Variants in MALRD1 observed in about 807,000 individuals in gnomAD.
The protein encoded by MALRD1 is MAM and LDL receptor class A domain containing 1.
A neutral mutation model predicts 242.1 loss-of-function variants in MALRD1; 247 were observed. That is an observed-to-expected ratio of 1.02 (90% CI 0.92 to 1.13). The LOEUF (loss-of-function observed/expected upper bound fraction) is 1.13. Among genes scored for constraint, MALRD1 ranks in the 50% most tolerant of loss-of-function variants. The probability of loss-of-function intolerance (pLI) is 0.00; values close to 1 mark genes in which losing one functional copy is unlikely to be tolerated. For missense variants in MALRD1, 2,989 were observed against 2,533.1 expected, an observed-to-expected ratio of 1.18 and a Z score of -3.86; for synonymous variants, 995 against 866.6, an observed-to-expected ratio of 1.15 and a Z score of -2.60.
intron 29 of MALRD1, among the ~76,000 whole-genome samples, chr10:19,471,164 C>T (rs554614254): frequency 6.6e-6 from 1 of 151,786 alleles, no homozygotes; most frequent in East Asian, 1.9e-4. Flanking sequence ...TTCAGTTTTC[C>T]CAGTACCATT....
chr10:19,162,249 AT>A (rs1195000107), intron 12 of MALRD1, among the ~76,000 whole-genome samples: 4 of 151,880 alleles, frequency 2.6e-5, no homozygotes, highest in Non-Finnish European at 4.4e-5. Flanking sequence ...TGCCTTATAC[AT>A]TTTTTTGACG....
At chr10:19,465,427 A>C (rs1448960681) in intron 29 of MALRD1, among the ~76,000 whole-genome samples, 1 of 152,218 alleles carries the variant, frequency 6.6e-6, no homozygotes, top group Non-Finnish European at 1.5e-5. Context: ...TTGTCAGTTA[A>C]GAATTTGTAT....
intron 1 of MALRD1, among the ~76,000 whole-genome samples, chr10:19,058,906 G>T (rs769346905): frequency 6.6e-6 from 1 of 152,122 alleles, no homozygotes; most frequent in Non-Finnish European, 1.5e-5. Flanking sequence ...TCAGGCAAGA[G>T]AATTATAAAC....
intron 14 of MALRD1, among the ~76,000 whole-genome samples, chr10:19,177,709 C>T (rs1052491128): frequency 6.6e-6 from 1 of 151,844 alleles, no homozygotes; most frequent in African/African-American, 2.4e-5. Flanking sequence ...TATTTTTCTG[C>T]TTAGTTTTGG....
chr10:19,127,852 G>A (rs540967798), intron 7 of MALRD1, among the ~76,000 whole-genome samples: 5 of 151,810 alleles, frequency 3.3e-5, no homozygotes, highest in Non-Finnish European at 7.4e-5. Flanking sequence ...AATTCTGGAA[G>A]GATGAAGAGA....
Position 19,692,626 on chromosome 10 carries a change from A to G in MALRD1, c.6314+72A>G, listed in dbSNP as rs573928755. 1.5e-5 allele frequency: 18 copies of G among 1,234,776 alleles called. No individual in the cohort carries two copies. In the South Asian group the frequency reaches 1.9e-4, roughly 13 times the overall value. 76.5% of individuals were successfully genotyped at this position (1,234,776 alleles called of 1,614,324 possible). A position where few individuals can be genotyped will look rare whatever the true frequency, so the allele number is the denominator to read the frequency against. ...AATTTTCTTCAACATTTCCTTTGCTATTTTTTTCTTTCACTCCATATTACA... is the reference window on the plus strand; with the variant it reads ...AATTTTCTTCAACATTTCCTTTGCTGTTTTTTTCTTTCACTCCATATTACA... On this transcript the variant is annotated intron_variant, in intron 38 of 39. Coordinates refer to ENST00000454679, the MANE Select transcript of MALRD1 (RefSeq NM_001142308.3).
At chr10:19,531,554 C>T (rs1009165503) in intron 32 of MALRD1, among the ~76,000 whole-genome samples, 4 of 152,242 alleles carry the variant, frequency 2.6e-5, no homozygotes, top group Admixed American at 1.3e-4. Flanking sequence ...ATCTCACTGA[C>T]GGCTGCCACC....
At chr10:19,451,555 T>C (rs1835328405) in intron 29 of MALRD1, among the ~76,000 whole-genome samples, 1 of 152,342 alleles carries the variant, frequency 6.6e-6, no homozygotes, top group South Asian at 2.1e-4. Context: ...CAGTGAAAGA[T>C]ATGCCTTCTG....
intron 38 of MALRD1, among the ~76,000 whole-genome samples, chr10:19,692,867 T>TTATATATATATATA (rs1254775928): frequency 0.013 from 391 of 29,606 alleles, 4 homozygotes; most frequent in African/African-American, 0.039. Flanking sequence ...ATAGATGAAA[T>TTATATATATATATA]TATATATATA....
chr10:19,491,139 A>G, intron 29 of MALRD1: 1 of 410,490 alleles, frequency 2.4e-6, no homozygotes, highest in South Asian at 2.1e-5. Flanking sequence ...CATTACGAGC[A>G]GCACAAATGG....
chr10:19,099,133 C>G (rs915542422), intron 4 of MALRD1, among the ~76,000 whole-genome samples: 1 of 152,118 alleles, frequency 6.6e-6, no homozygotes, highest in Non-Finnish European at 1.5e-5. Flanking sequence ...TGCCTGGCCC[C>G]CAGGTAGCCT....
intron 13 of MALRD1, among the ~76,000 whole-genome samples, chr10:19,171,981 CATATAATAT>C (rs1835007016): frequency 3.9e-5 from 1 of 25,906 alleles, no homozygotes; most frequent in Non-Finnish European, 8.1e-5. Context: ...TGATATATAT[CATATAATAT>C]ATGTATATAT....
rs550764927 is a variant in MALRD1, at chr10:19,346,000, G to T, written c.3902-1771G>T. Among the ~76,000 whole-genome samples the T allele has an allele frequency of 3.9e-5, 6 of 152,012 alleles. 1 individual carries two copies. The South Asian group carries it at 1.0e-3, about 26-fold the overall frequency. ...AAGTCTCACTTTGTTGGCCAGGATG[G>T]TCTTGAACTCCTAGCATCATGTGAT... On this transcript the variant is annotated intron_variant, in intron 24 of 39. Coordinates refer to ENST00000454679, the MANE Select transcript of MALRD1 (RefSeq NM_001142308.3).
At chr10:19,512,250 T>C (rs1201834783) in intron 31 of MALRD1, among the ~76,000 whole-genome samples, 1 of 152,166 alleles carries the variant, frequency 6.6e-6, no homozygotes, top group Non-Finnish European at 1.5e-5. Flanking sequence ...CATAATACAT[T>C]AAAGCTTGGC....
At chr10:19,163,528 A>G (rs1203250160) in intron 12 of MALRD1, among the ~76,000 whole-genome samples, 1 of 151,990 alleles carries the variant, frequency 6.6e-6, no homozygotes, top group Non-Finnish European at 1.5e-5. Flanking sequence ...GAGGGAGAGG[A>G]GCAGAAAAGA....
At chr10:19,408,309 C>G (rs567912094) in intron 28 of MALRD1, among the ~76,000 whole-genome samples, 2 of 152,238 alleles carry the variant, frequency 1.3e-5, no homozygotes, top group African/African-American at 4.8e-5. Flanking sequence ...GTTTCTCAAT[C>G]TTCAGTTCTA....
intron 19 of MALRD1, among the ~76,000 whole-genome samples, chr10:19,271,768 A>C (rs1459377837): frequency 1.3e-5 from 2 of 152,218 alleles, no homozygotes; most frequent in East Asian, 3.8e-4. Context: ...GTCTCAAAAA[A>C]ATATAAAAGT....
chr10:19,171,866 A>T (rs1834987093), intron 13 of MALRD1, among the ~76,000 whole-genome samples: 1 of 143,854 alleles, frequency 7.0e-6, no homozygotes. Flanking sequence ...ATATATACAT[A>T]TATACACGTA....
At chr10:19,427,585 G>T (rs1335160359) in intron 28 of MALRD1, among the ~76,000 whole-genome samples, 1 of 151,886 alleles carries the variant, frequency 6.6e-6, no homozygotes, top group Non-Finnish European at 1.5e-5. Context: ...AACAAATCTG[G>T]GTTCAATCTC....
Sources: gnomAD v4.1 joint callset for allele counts (sites outside exome capture counted in the v4.1 genomes callset) on GRCh38, gnomAD v4.1.1 for gene constraint, MANE v1.5 for transcripts, NCBI Gene and HGNC (gene_info 2026-07-23, HGNC 2026-07-21) for gene names.